The following GALK2 variants were observed in gnomAD, a reference collection of about 807,000 sequenced individuals.
GALK2 encodes the protein galactokinase 2.
Under a neutral mutation model 52.4 loss-of-function variants are expected in GALK2, and 36 were observed. That is an observed-to-expected ratio of 0.69 (90% CI 0.53 to 0.91). The LOEUF is 0.91. Among genes scored for constraint, GALK2 ranks in the 40% least tolerant of loss-of-function variants. The probability of loss-of-function intolerance (pLI) is 0.00; values close to 1 mark genes in which losing one functional copy is unlikely to be tolerated. For synonymous variants in GALK2, 176 were observed against 199.1 expected, an observed-to-expected ratio of 0.88 and a Z score of 0.98; for missense variants, 579 against 559.1, an observed-to-expected ratio of 1.04 and a Z score of -0.36.
intron 8 of GALK2, among the ~76,000 whole-genome samples, chr15:49,305,181 G>A (rs1277383237): frequency 3.3e-5 from 5 of 152,162 alleles, no homozygotes; most frequent in Admixed American, 6.5e-5. Flanking sequence ...CAGCTGAGGC[G>A]AGTAACTGTG....
chr15:49,331,442 G>A lies in GALK2; in HGVS notation c.*3283G>A, dbSNP rs2038729394. The A allele has an allele frequency of 4.2e-6, 1 of 238,390 alleles. No individual in the cohort carries two copies. The allele number at this position is 238,390 out of a possible 1,614,324, so 14.8% of individuals were successfully genotyped here. On this transcript the variant is annotated 3_prime_UTR_variant, in exon 10 of 10. Transcript: ENST00000560031. ...GGACCATTCATCTAACACAGCTGTT[G>A]GTACCCAATATGATTTTGTTGAATT... is the stretch of plus-strand genomic sequence containing the variant.
chr15:49,201,170 A>T lies in GALK2; in HGVS notation c.62A>T (p.Lys21Met). 1 of 1,592,752 alleles carries T rather than the reference A, an allele frequency of 6.3e-7. No individual in the cohort carries two copies. Among genetic ancestry groups the T allele is most frequent in the Non-Finnish European group, 8.6e-7 (1 of 1,161,466 alleles). The change falls in exon 2 of 10, where the codon AAG (lysine) becomes ATG (methionine). Residue 21 changes from lysine to methionine, a missense_variant. Lys to Met is a moderately conservative substitution (Grantham distance 95, BLOSUM62 -1). Coordinates refer to ENST00000560031, the MANE Select transcript of GALK2 (RefSeq NM_002044.4). The part of the protein sequence containing the change: ...VQVAEHPRLL[K>M]LKEMFNSKFG... ...TGTACTTTTATTTTCAGGTTACTGA[A>T]GCTAAAGGAGATGTTTAACTCCAAG... is the stretch of plus-strand genomic sequence containing the variant.
intron 4 of GALK2, among the ~76,000 whole-genome samples, chr15:49,236,714 T>C (rs564054230): frequency 4.1e-4 from 63 of 152,296 alleles, no homozygotes; most frequent in African/African-American, 1.5e-3. Flanking sequence ...AGTAGGACAA[T>C]AAGAAGTAAA....
chr15:49,366,360 C>CA, intron 3 of GALK2: 10 of 786,944 alleles, frequency 1.3e-5, no homozygotes, highest in Non-Finnish European at 2.3e-5. Context: ...ATTGCTTCAG[C>CA]ACCTCTTTTC....
At chr15:49,188,873 T>G (rs568804773) in intron 1 of GALK2, among the ~76,000 whole-genome samples, 9 of 152,300 alleles carry the variant, frequency 5.9e-5, no homozygotes, top group Admixed American at 5.9e-4. Flanking sequence ...AATAGAGAGG[T>G]GCTAGGCTAG....
chr15:49,291,432 TG>T (rs1383314531), intron 7 of GALK2, among the ~76,000 whole-genome samples: 1 of 152,216 alleles, frequency 6.6e-6, no homozygotes, highest in Non-Finnish European at 1.5e-5. Context: ...ATCAACATAA[TG>T]GAAGAGTAAA....
intron 2 of GALK2, 72 bp downstream of exon 2, chr15:49,201,322 TTC>T (rs1566931819): frequency 1.4e-5 from 11 of 798,380 alleles, no homozygotes; most frequent in South Asian, 3.4e-5. Context: ...AAAAATATAT[TTC>T]TTTCTTAATT....
chr15:49,281,748 C>T (rs950905772), intron 5 of GALK2, among the ~76,000 whole-genome samples: 2 of 152,036 alleles, frequency 1.3e-5, no homozygotes, highest in South Asian at 2.1e-4. Flanking sequence ...TTAGGGATGG[C>T]GAAAACATAG....
downstream of GALK2, among the ~76,000 whole-genome samples, chr15:49,333,348 C>T (rs539692209): frequency 2.0e-5 from 3 of 152,230 alleles, no homozygotes; most frequent in East Asian, 1.9e-4. Flanking sequence ...TTAACAAGCA[C>T]GTGAGATTTA....
At chr15:49,199,572 C>A (rs1477757229) in intron 1 of GALK2, among the ~76,000 whole-genome samples, 1 of 152,164 alleles carries the variant, frequency 6.6e-6, no homozygotes, top group Non-Finnish European at 1.5e-5. Flanking sequence ...CTTATTTTTA[C>A]TAAATGACCT....
intron 1 of GALK2, among the ~76,000 whole-genome samples, chr15:49,194,486 G>C (rs2087035242): frequency 6.6e-6 from 1 of 152,004 alleles, no homozygotes; most frequent in Admixed American, 6.5e-5. Context: ...AGGCCATATA[G>C]TATGTTTTAA....
chr15:49,265,418 G>T (rs1477658987), intron 5 of GALK2, among the ~76,000 whole-genome samples: 1 of 152,200 alleles, frequency 6.6e-6, no homozygotes, highest in Non-Finnish European at 1.5e-5. Context: ...TTTTAAGCCC[G>T]TCGGAAAAGC....
intron 1 of GALK2, chr15:49,178,576 G>A: frequency 4.2e-6 from 1 of 237,292 alleles, no homozygotes; most frequent in Non-Finnish European, 8.6e-6. Context: ...AAACTTGCTT[G>A]GCCTTGTAGC....
intron 8 of GALK2, among the ~76,000 whole-genome samples, chr15:49,303,255 C>T (rs1319730856): frequency 6.6e-6 from 1 of 152,188 alleles, no homozygotes; most frequent in Non-Finnish European, 1.5e-5. Flanking sequence ...TCACCTTCCC[C>T]CTTCAAAACT....
chr15:49,225,455 A>G, intron 3 of GALK2: 1 of 319,670 alleles, frequency 3.1e-6, no homozygotes, highest in South Asian at 2.5e-5. Flanking sequence ...TGTGGACTGC[A>G]TGTGGGAGGG....
downstream of GALK2, among the ~76,000 whole-genome samples, chr15:49,332,925 T>A (rs963282320): frequency 6.6e-6 from 1 of 152,100 alleles, no homozygotes; most frequent in Non-Finnish European, 1.5e-5. Flanking sequence ...CTCTCTCTGC[T>A]TGTTTTGTCT....
At chr15:49,360,867 G>A (rs894436336) in intron 3 of GALK2, among the ~76,000 whole-genome samples, 7 of 152,090 alleles carry the variant, frequency 4.6e-5, no homozygotes, top group African/African-American at 7.2e-5. Context: ...GCACTCCTGT[G>A]ATGTGAAATT....
intron 7 of GALK2, among the ~76,000 whole-genome samples, chr15:49,285,758 A>T (rs750054656): frequency 2.0e-5 from 3 of 152,152 alleles, no homozygotes; most frequent in Non-Finnish European, 4.4e-5. Context: ...ATTCATGCTC[A>T]TCTCTTTCCC....
At position 49,328,596 on chromosome 15, in the gene GALK2, T is replaced by TTGTC. The variant is rs757674601; in HGVS notation, c.*441_*444dup. 63 of 1,596,532 alleles carry TTGTC rather than the reference T, an allele frequency of 3.9e-5. No individual in the cohort carries two copies. The highest frequency in any genetic ancestry group is 5.1e-5 in the Non-Finnish European group (60 of 1,168,636). On this transcript the variant is annotated 3_prime_UTR_variant, in exon 10 of 10. Coordinates refer to ENST00000560031, the MANE Select transcript of GALK2 (RefSeq NM_002044.4). Reference sequence around the variant, plus strand: ...GTATTCTTCTTCCTCAAAGTTGTAGTTGTCTGTTGATGATGGTGATGATGA... The same window carrying TTGTC: ...GTATTCTTCTTCCTCAAAGTTGTAGTTGTCTGTCTGTTGATGATGGTGATGATGA...
Sources: allele counts gnomAD v4.1 joint callset (sites outside exome capture counted in the v4.1 genomes callset), GRCh38; gene constraint gnomAD v4.1.1; transcripts MANE v1.5; gene names NCBI Gene and HGNC (gene_info 2026-07-23, HGNC 2026-07-21).